The following UTRN variants were observed in gnomAD, a reference collection of about 807,000 sequenced individuals.
UTRN encodes the protein utrophin, also known as dystrophin-related protein 1.
In UTRN, 283 loss-of-function variants were observed where a neutral mutation model predicts 463.9. That is an observed-to-expected ratio of 0.61 (90% confidence interval 0.55 to 0.67). The LOEUF (loss-of-function observed/expected upper bound fraction) is 0.67. UTRN is among the 30% of genes least tolerant of loss of function. The probability of loss-of-function intolerance (pLI) is 0.00; values close to 1 mark genes in which losing one functional copy is unlikely to be tolerated. For synonymous variants in UTRN, 1,442 were observed against 1,431.5 expected, an observed-to-expected ratio of 1.01 and a Z score of -0.17; for missense variants, 3,922 against 4,084.3, an observed-to-expected ratio of 0.96 and a Z score of 1.08.
intron 65 of UTRN, among the ~76,000 whole-genome samples, chr6:144,811,256 T>C (rs1162837723): frequency 6.6e-6 from 1 of 152,198 alleles, no homozygotes; most frequent in East Asian, 1.9e-4. Flanking sequence ...CGTAAGACTA[T>C]AAAAATCAAA....
intron 57 of UTRN, among the ~76,000 whole-genome samples, chr6:144,756,941 G>A (rs921000824): frequency 2.0e-5 from 3 of 151,916 alleles, no homozygotes; most frequent in African/African-American, 4.8e-5. Flanking sequence ...CTTCCTTACC[G>A]AAAACATATA....
Position 144,458,765 on chromosome 6 carries a change from C to T in UTRN, c.2285-5C>T. On this transcript the variant is annotated splice_region_variant and splice_polypyrimidine_tract_variant and intron_variant, in intron 19 of 74. Transcript: ENST00000367545. ...ACTGTTTGCTTGTTTTTCATGTCTG[C>T]ATAGAAGGCCTTCCTACTGAAGAAA... is the stretch of plus-strand genomic sequence containing the variant. 3 of 1,582,024 alleles carry T rather than the reference C, an allele frequency of 1.9e-6. No individual in the cohort carries two copies. Among genetic ancestry groups the T allele is most frequent in the Non-Finnish European group, 2.6e-6 (3 of 1,168,866 alleles).
At chr6:144,783,169 C>T (rs1775999244) in intron 61 of UTRN, among the ~76,000 whole-genome samples, 1 of 150,672 alleles carries the variant, frequency 6.6e-6, no homozygotes, top group Non-Finnish European at 1.5e-5. Context: ...CCACTCCAGT[C>T]TGGGTGACAG....
chr6:144,564,003 A>G (rs1187745805), intron 50 of UTRN, among the ~76,000 whole-genome samples: 1 of 152,060 alleles, frequency 6.6e-6, no homozygotes, highest in African/African-American at 2.4e-5. Flanking sequence ...TTTTGTTTTC[A>G]TTTGTTTCTT....
chr6:144,388,088 A>G (rs1781564683), intron 2 of UTRN, among the ~76,000 whole-genome samples: 1 of 152,236 alleles, frequency 6.6e-6, no homozygotes, highest in Non-Finnish European at 1.5e-5. Context: ...AACTTAGAAA[A>G]TATGGCTAAC....
chr6:144,719,784 C>T (rs1305257261), intron 53 of UTRN, among the ~76,000 whole-genome samples: 1 of 152,098 alleles, frequency 6.6e-6, no homozygotes, highest in African/African-American at 2.4e-5. Context: ...CAACAGGAAG[C>T]CATGGGAGGA....
At chr6:144,513,871 C>A in intron 35 of UTRN, 38 bp from the exon 36 acceptor site, 1 of 1,596,924 alleles carries the variant, frequency 6.3e-7, no homozygotes. Flanking sequence ...TTAAATATTT[C>A]ATATGGTTAT....
intron 50 of UTRN, among the ~76,000 whole-genome samples, chr6:144,574,300 A>G (rs1187836877): frequency 6.6e-6 from 1 of 152,202 alleles, no homozygotes; most frequent in Non-Finnish European, 1.5e-5. Context: ...GATGACATTC[A>G]AGAATGTCAT....
chr6:144,670,101 T>A (rs1035579727), intron 51 of UTRN, among the ~76,000 whole-genome samples: 4 of 152,178 alleles, frequency 2.6e-5, no homozygotes, highest in African/African-American at 9.7e-5. Context: ...CCTGTGTACA[T>A]GTCTTTTTCA....
intron 41 of UTRN, among the ~76,000 whole-genome samples, chr6:144,523,607 G>A (rs934994087): frequency 3.9e-5 from 6 of 152,102 alleles, no homozygotes; most frequent in African/African-American, 9.7e-5. Context: ...CACTGCACCC[G>A]GCCTTATGCC....
At chr6:144,624,687 T>A (rs951572) in intron 51 of UTRN, among the ~76,000 whole-genome samples, 21,745 of 152,100 alleles carry the variant, frequency 0.14, 1,723 homozygotes, top group South Asian at 0.26. Flanking sequence ...TCGGCTTCAT[T>A]GACATCCTGG....
Position 144,490,166 on chromosome 6 carries a change from T to G in UTRN, c.4230T>G (p.Thr1410=). 6.2e-7 allele frequency: 1 copy of G among 1,613,102 alleles called. No homozygotes were observed. The highest frequency in any genetic ancestry group is 8.5e-7 in the Non-Finnish European group (1 of 1,179,596). ...SQPLTSPESR[T]ARGGSQMDVL... is the part of the protein sequence containing the mutation. ...CCCTGACCTCCCCAGAGAGTAGGAC[T>G]GCCAGAGGAGGAAGTCAGATGGATG... The change falls in exon 31 of 75, where the codon ACT becomes ACG. Residue 1410 remains threonine, a synonymous_variant. Coordinates refer to ENST00000367545, the MANE Select transcript of UTRN (RefSeq NM_007124.3).
At chr6:144,708,881 G>C (rs149942915) in intron 53 of UTRN, among the ~76,000 whole-genome samples, 13 of 152,274 alleles carry the variant, frequency 8.5e-5, no homozygotes, top group African/African-American at 3.1e-4. Context: ...TATCTGATGA[G>C]GGTCTTCCTG....
intron 2 of UTRN, among the ~76,000 whole-genome samples, chr6:144,300,085 GA>G (rs1016729694): frequency 1.5e-5 from 2 of 134,670 alleles, no homozygotes; most frequent in African/African-American, 3.4e-5. Context: ...AAAGTCTTGT[GA>G]TTTTTTTTTT....
chr6:144,732,283 C>CACACAT (rs1478264012), intron 54 of UTRN, among the ~76,000 whole-genome samples: 4 of 123,820 alleles, frequency 3.2e-5, no homozygotes, highest in Admixed American at 8.6e-5. Context: ...TATATACACA[C>CACACAT]ATATATATAT....
chr6:144,753,700 CAAA>C (rs559496930), intron 56 of UTRN, among the ~76,000 whole-genome samples: 3 of 107,474 alleles, frequency 2.8e-5, no homozygotes, highest in Non-Finnish European at 2.0e-5. Flanking sequence ...TTGTCTCTAC[CAAA>C]AAAAAAAAAA....
At chr6:144,462,086 G>A (rs1474809697) in intron 22 of UTRN, among the ~76,000 whole-genome samples, 1 of 152,020 alleles carries the variant, frequency 6.6e-6, no homozygotes, top group Non-Finnish European at 1.5e-5. Context: ...ACAGACCCCA[G>A]TGTGTGTTTT....
chr6:144,844,198 T>A (rs1045480711), intron 73 of UTRN, among the ~76,000 whole-genome samples: 5 of 152,172 alleles, frequency 3.3e-5, no homozygotes, highest in Non-Finnish European at 5.9e-5. Context: ...ATTAAACCTT[T>A]TAAAAATTGA....
intron 71 of UTRN, among the ~76,000 whole-genome samples, chr6:144,838,673 GA>G (rs1781307036): frequency 6.6e-6 from 1 of 152,134 alleles, no homozygotes; most frequent in Non-Finnish European, 1.5e-5. Flanking sequence ...TACAAATAAA[GA>G]ACTGAAAGCA....
Sources: gnomAD v4.1 joint callset for allele counts (sites outside exome capture counted in the v4.1 genomes callset) on GRCh38, gnomAD v4.1.1 for gene constraint, MANE v1.5 for transcripts, NCBI Gene and HGNC (gene_info 2026-07-23, HGNC 2026-07-21) for gene names.